ESRRG: variants seen among roughly 807,000 people sequenced by gnomAD.
ESRRG encodes the protein estrogen related receptor gamma.
In ESRRG, 13 loss-of-function variants were observed where a neutral mutation model predicts 44.0. The observed-to-expected ratio is 0.30, with a 90% confidence interval of 0.19 to 0.47. The LOEUF is 0.47. ESRRG is among the 20% of genes least tolerant of loss of function. ESRRG has a pLI of 1.00. For synonymous variants in ESRRG, 215 were observed against 214.6 expected (o/e 1.00, Z -0.02); for missense variants, 395 against 580.6 (o/e 0.68, Z 3.29).
At chr1:217,134,241 C>T (rs574956483) in intron 1 of ESRRG, among the ~76,000 whole-genome samples, 1 of 152,192 alleles carries the variant, frequency 6.6e-6, no homozygotes, top group South Asian at 2.1e-4. Context: ...GAGTAGGTCT[C>T]CTCCAAATGG....
intron 2 of ESRRG, among the ~76,000 whole-genome samples, chr1:216,874,633 T>C (rs2096317969): frequency 6.6e-6 from 1 of 152,186 alleles, no homozygotes; most frequent in East Asian, 1.9e-4. Flanking sequence ...TATAACTCTG[T>C]GATGATTAAT....
chr1:217,091,945 T>G (rs1052229548), upstream of ESRRG, among the ~76,000 whole-genome samples: 3 of 152,246 alleles, frequency 2.0e-5, no homozygotes, highest in African/African-American at 7.2e-5. Flanking sequence ...TGACTAACTT[T>G]AATCCTCTGA....
intron 1 of ESRRG, 92 bp downstream of exon 1, chr1:216,723,152 T>C: frequency 9.3e-7 from 1 of 1,076,078 alleles, no homozygotes; most frequent in Non-Finnish European, 1.4e-6. Context: ...ACCCAGGGCA[T>C]TACCTGAATC....
At chr1:216,711,442 G>A (rs569791614) in intron 1 of ESRRG, among the ~76,000 whole-genome samples, 112 of 152,298 alleles carry the variant, frequency 7.4e-4, no homozygotes, top group African/African-American at 2.6e-3. Flanking sequence ...TTCTCTTAAC[G>A]AATGAATGTG....
chr1:216,791,432 G>A (rs1231123409), intron 2 of ESRRG, among the ~76,000 whole-genome samples: 7 of 152,046 alleles, frequency 4.6e-5, no homozygotes, highest in African/African-American at 1.4e-4. Flanking sequence ...GCAGAAACAT[G>A]AGCCAATTAA....
chr1:216,520,074 T>TC (rs2045624575), intron 5 of ESRRG, among the ~76,000 whole-genome samples: 1 of 152,076 alleles, frequency 6.6e-6, no homozygotes, highest in Admixed American at 6.6e-5. Context: ...CAGCCTGGCC[T>TC]CCCCACCAAA....
At position 217,133,768 on chromosome 1, in the gene ESRRG, C is replaced by T. The variant is rs1223783461; in HGVS notation, c.-230+3899G>A. Among the ~76,000 whole-genome samples, 9 of 151,820 alleles carry T rather than the reference C, an allele frequency of 5.9e-5. No individual in the cohort carries two copies. The East Asian group carries it at 1.6e-3, about 26-fold the overall frequency. ...CTTACTTTGACCTGTTCTCTCCTTT[C>T]CTTCCCTTCCCATTAGGGCCTAGGG... On this transcript the variant is annotated intron_variant, in intron 1 of 8. Coordinates refer to the ESRRG transcript ENST00000366940.
At chr1:217,040,221 C>T (rs113359893) in intron 1 of ESRRG, among the ~76,000 whole-genome samples, 122 of 152,046 alleles carry the variant, frequency 8.0e-4, no homozygotes, top group African/African-American at 2.6e-3. Flanking sequence ...GTTATTTAGA[C>T]GGTAAGAAAA....
At chr1:216,751,700 G>T (rs1315775344) in intron 2 of ESRRG, among the ~76,000 whole-genome samples, 10 of 151,340 alleles carry the variant, frequency 6.6e-5, no homozygotes, top group Admixed American at 2.0e-4. Context: ...AAGGGAAAAG[G>T]CCTCCCTAGA....
rs114083501 is a variant in ESRRG at position 216,916,124 on chromosome 1, C to T, written c.-14+23458G>A. ...CCTTTGATGTAACATTTTTGCTCCT[C>T]ATCAGAATGGAAAGAATGAGCTTCA... On this transcript the variant is annotated intron_variant, in intron 2 of 7. Transcript: ENST00000359162. 1.1e-3 allele frequency among the ~76,000 whole-genome samples: 165 copies of T among 152,244 alleles called. 1 individual carries two copies. The highest frequency in any genetic ancestry group is 3.9e-3 in the African/African-American group (160 of 41,554).
chr1:216,844,488 T>C (rs1489615836), intron 2 of ESRRG, among the ~76,000 whole-genome samples: 1 of 152,084 alleles, frequency 6.6e-6, no homozygotes, highest in East Asian at 1.9e-4. Context: ...TCAGCTCTGA[T>C]GTCATATTCG....
intron 3 of ESRRG, among the ~76,000 whole-genome samples, chr1:216,596,983 G>T (rs1437026995): frequency 6.6e-6 from 1 of 152,136 alleles, no homozygotes; most frequent in East Asian, 1.9e-4. Flanking sequence ...GGTAAGAGCT[G>T]CTGACCAACT....
intron 2 of ESRRG, among the ~76,000 whole-genome samples, chr1:216,912,241 G>GAGAGA (rs2060540683): frequency 1.7e-5 from 1 of 59,518 alleles, no homozygotes; most frequent in Admixed American, 1.8e-4. Flanking sequence ...GAGAGGAGAG[G>GAGAGA]AGAGGAGAGG....
At chr1:217,028,383 C>G (rs1210074521) in intron 1 of ESRRG, among the ~76,000 whole-genome samples, 3 of 152,184 alleles carry the variant, frequency 2.0e-5, no homozygotes, top group Non-Finnish European at 2.9e-5. Context: ...TCTCCTCATA[C>G]CTACAAAGAA....
In ESRRG at chr1:216,963,689, G is replaced by C. The variant is rs140324791; in HGVS notation, c.-105-24016C>G. ...CGCAGTGGTGTCCTTAGGGAAACCCGAGAAGAGGAAAATCACGTTGTGCTC... is the reference window on the plus strand; with the variant it reads ...CGCAGTGGTGTCCTTAGGGAAACCCCAGAAGAGGAAAATCACGTTGTGCTC... On this transcript the variant is annotated intron_variant, in intron 1 of 7. Coordinates refer to the ESRRG transcript ENST00000359162. Among the ~76,000 whole-genome samples the C allele has an allele frequency of 1.2e-4, 19 of 152,286 alleles. 1 individual carries two copies. In the East Asian group the frequency reaches 3.5e-3, roughly 28 times the overall value.
At chr1:216,756,896 G>C (rs2092475913) in intron 2 of ESRRG, among the ~76,000 whole-genome samples, 1 of 151,932 alleles carries the variant, frequency 6.6e-6, no homozygotes. Context: ...TCCTAGAGTA[G>C]AGACTGAAAA....
At chr1:216,927,186 A>T (rs1414615315) in intron 2 of ESRRG, among the ~76,000 whole-genome samples, 2 of 152,210 alleles carry the variant, frequency 1.3e-5, no homozygotes, top group Non-Finnish European at 2.9e-5. Context: ...TTCTAAGTAC[A>T]TGAATAGTGT....
intron 2 of ESRRG, among the ~76,000 whole-genome samples, chr1:216,778,720 A>G (rs2093704849): frequency 1.3e-5 from 2 of 151,940 alleles, no homozygotes; most frequent in South Asian, 4.1e-4. Context: ...GTACTACTTG[A>G]TTAGAAATAG....
intron 1 of ESRRG, among the ~76,000 whole-genome samples, chr1:217,104,662 CT>C (rs1373889797): frequency 6.6e-6 from 1 of 152,046 alleles, no homozygotes; most frequent in East Asian, 1.9e-4. Flanking sequence ...AGTCACAGAA[CT>C]GGAATGTAGG....
Sources: allele counts gnomAD v4.1 joint callset (sites outside exome capture counted in the v4.1 genomes callset), GRCh38; gene constraint gnomAD v4.1.1; transcripts MANE v1.5; gene names NCBI Gene and HGNC (gene_info 2026-07-23, HGNC 2026-07-21).